The following MEF2B variants were observed in gnomAD, a reference collection of about 807,000 sequenced individuals.
The protein encoded by MEF2B is myocyte-specific enhancer factor 2B.
In MEF2B, 15 loss-of-function variants were observed where a neutral mutation model predicts 32.2. The observed-to-expected ratio is 0.47, with a 90% CI of 0.31 to 0.72. The LOEUF (loss-of-function observed/expected upper bound fraction) is 0.72, where lower values mean the gene tolerates loss of function less well. Among genes scored for constraint, MEF2B ranks in the 30% least tolerant of loss-of-function variants. The probability of loss-of-function intolerance (pLI) is 0.05; values close to 1 mark genes in which losing one functional copy is unlikely to be tolerated. For synonymous variants in MEF2B, 205 were observed against 225.6 expected (o/e 0.91, Z 0.82); for missense variants, 441 against 511.5 (o/e 0.86, Z 1.33).
chr19:19,155,366 C>T (rs2060113217), intron 1 of MEF2B, among the ~76,000 whole-genome samples: 1 of 152,208 alleles, frequency 6.6e-6, no homozygotes, highest in Admixed American at 6.5e-5. Flanking sequence ...TGCCATTCTT[C>T]TGGTCTCCCA....
intron 1 of MEF2B, among the ~76,000 whole-genome samples, chr19:19,159,172 C>T (rs2060141093): frequency 6.7e-6 from 1 of 148,196 alleles, no homozygotes; most frequent in Non-Finnish European, 1.5e-5. Context: ...ACCTCCTGAC[C>T]TCAGGTGATC....
At chr19:19,162,599 C>T (rs774007515) in intron 1 of MEF2B, among the ~76,000 whole-genome samples, 3 of 152,172 alleles carry the variant, frequency 2.0e-5, no homozygotes, top group Non-Finnish European at 4.4e-5. Flanking sequence ...CCCTCTGGCA[C>T]CCATGGGGAA....
intron 2 of MEF2B, among the ~76,000 whole-genome samples, chr19:19,149,974 G>A (rs11670800): frequency 0.37 from 55,249 of 149,452 alleles, 10,328 homozygotes; most frequent in East Asian, 0.51. Context: ...AATCCCAGCT[G>A]TTCGGAAAGC....
intron 1 of MEF2B, among the ~76,000 whole-genome samples, chr19:19,161,136 A>AG (rs1355256131): frequency 6.6e-6 from 1 of 152,046 alleles, no homozygotes; most frequent in African/African-American, 2.4e-5. Context: ...CTTCACAGTA[A>AG]GGTGCTTTAC....
At chr19:19,170,013 A>G (rs916922499) in intron 1 of MEF2B, among the ~76,000 whole-genome samples, 192 bp downstream of exon 1, 2 of 151,986 alleles carry the variant, frequency 1.3e-5, no homozygotes, top group African/African-American at 4.8e-5. Context: ...CACCCTTCAG[A>G]CACACACCCC....
intron 1 of MEF2B, among the ~76,000 whole-genome samples, chr19:19,168,376 C>T (rs1181399622): frequency 1.3e-5 from 2 of 149,368 alleles, no homozygotes; most frequent in Non-Finnish European, 3.0e-5. Flanking sequence ...TGGGTTCAAG[C>T]GATTCTCCTG....
intron 7 of MEF2B, 44 bp from the exon 8 acceptor site, chr19:19,146,428 A>T (rs530420169): frequency 8.6e-7 from 1 of 1,161,936 alleles, no homozygotes; most frequent in South Asian, 1.7e-5. Flanking sequence ...CATCTCCTTA[A>T]GCCTTCTGCA....
chr19:19,166,497 T>A (rs953532115), intron 1 of MEF2B, among the ~76,000 whole-genome samples: 6 of 151,524 alleles, frequency 4.0e-5, no homozygotes, highest in African/African-American at 1.5e-4. Context: ...GGCTCATGCC[T>A]GTAATCCCAG....
At chr19:19,164,250 G>A (rs1043225298) in intron 1 of MEF2B, among the ~76,000 whole-genome samples, 1 of 152,156 alleles carries the variant, frequency 6.6e-6, no homozygotes, top group African/African-American at 2.4e-5. Context: ...TTACAGCCGT[G>A]AGCCCGGCCC....
chr19:19,158,935 G>A (rs1377717944), intron 1 of MEF2B, among the ~76,000 whole-genome samples: 2 of 151,002 alleles, frequency 1.3e-5, no homozygotes, highest in Admixed American at 6.6e-5. Flanking sequence ...AGACTGACTC[G>A]AAAGTTTTTT....
chr19:19,166,599 A>T (rs2060210693), intron 1 of MEF2B, among the ~76,000 whole-genome samples: 2 of 143,240 alleles, frequency 1.4e-5, no homozygotes, highest in Admixed American at 1.4e-4. Flanking sequence ...TCTCCAATTA[A>T]AAAAAAAAAA....
rs541729327 is a variant in MEF2B at position 19,157,862 on chromosome 19, A to G, written c.-29-7098T>C. 2.6e-5 allele frequency among the ~76,000 whole-genome samples: 4 copies of G among 152,200 alleles called. No homozygotes were observed. The East Asian group carries it at 7.7e-4, about 29-fold the overall frequency. On this transcript the variant is annotated intron_variant, in intron 1 of 8. Transcript: ENST00000424583. ...GACTCTGTGTCAAAAAAAACAAAAA[A>G]CAAAAAACCCTCACTGAGGCTGATG...
In MEF2B at chr19:19,146,863, G is replaced by A. The variant is rs1464036677; in HGVS notation, c.554C>T (p.Pro185Leu). 3.7e-6 allele frequency: 6 copies of A among 1,612,446 alleles called. No homozygotes were observed. The highest frequency in any genetic ancestry group is 1.3e-5 in the African/African-American group (1 of 74,916). Reference sequence around the variant, plus strand: ...GGTGAGGTGGCTTGGTGAGAAGAGAGGGTGCACCAGGCCTGGGGAAGAGGA... The same window carrying A: ...GGTGAGGTGGCTTGGTGAGAAGAGAAGGTGCACCAGGCCTGGGGAAGAGGA... ...PKAGPPGLVH[P>L]LFSPSHLTSK... The change falls in exon 6 of 9, where the codon CCT (proline) becomes CTT (leucine). Residue 185 changes from proline to leucine, a missense_variant. Physicochemically the swap from Pro to Leu is moderately conservative, Grantham distance 98. Transcript: ENST00000424583.
In MEF2B at chr19:19,149,251, C is replaced by T. The variant is rs1387902743; in HGVS notation, c.233G>A (p.Ser78Asn). The T allele has an allele frequency of 6.2e-7, 1 of 1,613,902 alleles. No homozygotes were observed. The highest frequency in any genetic ancestry group is 2.2e-5 in the East Asian group (1 of 44,804). Residue 78 changes from serine (S) to asparagine (N), a missense_variant, in exon 3 of 9, where the codon AGC (serine) becomes AAC (asparagine). Around this residue, in one of 2 missense-constraint regions of MEF2B, gnomAD observed 115 missense variants for 183.1 expected, o/e 0.63. Transcript: ENST00000424583. ...KYTEYSEPHE[S>N]RTNTDILETL... is the part of the protein sequence containing the mutation. ...CTCGAGGATGTCAGTGTTGGTGCGG[C>T]TCTCGTGGGGCTCGCTGTACTCTGT...
At chr19:19,156,406 T>A (rs538910397) in intron 1 of MEF2B, among the ~76,000 whole-genome samples, 1,701 of 149,374 alleles carry the variant, frequency 0.011, 34 homozygotes, top group African/African-American at 0.04. Context: ...AAAAAAAAAA[T>A]TTTTTTTTTA....
Position 19,145,933 on chromosome 19 carries a change from G to C in MEF2B, c.971C>G (p.Ser324Cys). The C allele has an allele frequency of 6.9e-7, 1 of 1,443,432 alleles. No homozygotes were observed. The highest frequency in any genetic ancestry group is 9.1e-7 in the Non-Finnish European group (1 of 1,098,142). 89.4% of individuals were successfully genotyped at this position (1,443,432 alleles called of 1,614,324 possible). A position where few individuals can be genotyped will look rare whatever the true frequency, so the allele number is the denominator to read the frequency against. Reference sequence around the variant, plus strand: ...GTCGCCGGGGCCCCCGGGGGCCGGAGAGAGGCGCTCAGACTTGATGCTGAC... The same window carrying C: ...GTCGCCGGGGCCCCCGGGGGCCGGACAGAGGCGCTCAGACTTGATGCTGAC... ...PPVSIKSERLSPAPGGPGDFP... is the reference protein window; with the variant it reads ...PPVSIKSERLCPAPGGPGDFP... Residue 324 changes from serine to cysteine, a missense_variant, in exon 9 of 9, where the codon TCT (serine) becomes TGT (cysteine). Physicochemically the swap from Ser to Cys is moderately radical, Grantham distance 112 (BLOSUM62 -1). Transcript: ENST00000424583. The surrounding 1 kb of genome is among the most constrained non-coding windows in gnomAD (Gnocchi z 4.6).
chr19:19,153,265 A>C (rs2060097482), intron 1 of MEF2B, among the ~76,000 whole-genome samples: 1 of 152,004 alleles, frequency 6.6e-6, no homozygotes, highest in African/African-American at 2.4e-5. Context: ...GTGATGGGGG[A>C]GAACTGGGAA....
In MEF2B at chr19:19,168,733, A is replaced by C. The variant is rs564967174; in HGVS notation, c.-30+1472T>G. 1.1e-4 allele frequency among the ~76,000 whole-genome samples: 17 copies of C among 151,990 alleles called. No individual in the cohort carries two copies. The East Asian group carries it at 3.3e-3, about 29-fold the overall frequency. ...CTCAGCCTCCCGAGTAGCTGGGACT[A>C]TACACATAAGCCACCACACCTGCCT... On this transcript the variant is annotated intron_variant, in intron 1 of 8. Coordinates refer to ENST00000424583, the MANE Select transcript of MEF2B (RefSeq NM_001145785.2).
chr19:19,146,861 G>C lies in MEF2B; in HGVS notation c.556C>G (p.Leu186Val), dbSNP rs764258486. The C allele has an allele frequency of 4.3e-6, 7 of 1,612,768 alleles. No homozygotes were observed. In the East Asian group the frequency reaches 1.6e-4, roughly 36 times the overall value. Residue 186 changes from leucine to valine, a missense_variant, in exon 6 of 9, where the codon CTC becomes GTC. Physicochemically the swap from Leu to Val is conservative, Grantham distance 32 (BLOSUM62 1). Coordinates refer to ENST00000424583, the MANE Select transcript of MEF2B (RefSeq NM_001145785.2). Reference sequence around the variant, plus strand: ...CTGGTGAGGTGGCTTGGTGAGAAGAGAGGGTGCACCAGGCCTGGGGAAGAG... The same window carrying C: ...CTGGTGAGGTGGCTTGGTGAGAAGACAGGGTGCACCAGGCCTGGGGAAGAG... ...KAGPPGLVHP[L>V]FSPSHLTSKT...
Sources: allele counts gnomAD v4.1 joint callset (sites outside exome capture counted in the v4.1 genomes callset), GRCh38; gene constraint gnomAD v4.1.1; regional missense constraint gnomAD v4.1.1; non-coding constraint Gnocchi (gnomAD v3.1); transcripts MANE v1.5; gene names NCBI Gene and HGNC (gene_info 2026-07-23, HGNC 2026-07-21).